The following UGT1A5 variants were observed in gnomAD, a reference collection of about 807,000 sequenced individuals.
UGT1A5 encodes the protein UDP-glucuronosyltransferase 1A5.
Under a neutral mutation model 40.3 loss-of-function variants are expected in UGT1A5, and 29 were observed. That is an observed-to-expected ratio of 0.72 (90% CI 0.54 to 0.98). The LOEUF is 0.98. UGT1A5 is among the 50% of genes least tolerant of loss of function. UGT1A5 has a pLI of 0.00. For synonymous variants in UGT1A5, 257 were observed against 262.5 expected (o/e 0.98, Z 0.20); for missense variants, 678 against 677.9 (o/e 1.00, Z 0.00).
In UGT1A5 at chr2:233,729,061, T is replaced by C. The variant is rs3806596; in HGVS notation, c.867+15203T>C. On this transcript the variant is annotated intron_variant, in intron 1 of 4. Transcript: ENST00000373414. ...TGGCTCAGTGACAAGGTAATTAAGA[T>C]GAAGAAAGCAAATGTAGCAGGCACA... The C allele has an allele frequency of 0.47, 753,810 of 1,610,256 alleles. 184,343 individuals are homozygous for C. Among genetic ancestry groups the C allele is most frequent in the African/African-American group, 0.83 (61,848 of 74,960 alleles).
At chr2:233,734,371 T>C (rs1011437447) in intron 1 of UGT1A5, among the ~76,000 whole-genome samples, 3 of 152,202 alleles carry the variant, frequency 2.0e-5, no homozygotes, top group Non-Finnish European at 4.4e-5. Flanking sequence ...GGTGGTGATA[T>C]TGCCTTTACT....
chr2:233,765,208 G>C (rs1325678271), intron 1 of UGT1A5, among the ~76,000 whole-genome samples: 1 of 152,132 alleles, frequency 6.6e-6, no homozygotes, highest in Non-Finnish European at 1.5e-5. Flanking sequence ...AGTGCCCTCA[G>C]TATTCTTTGC....
chr2:233,729,609 G>A (rs745477342), intron 1 of UGT1A5: 1 of 1,613,988 alleles, frequency 6.2e-7, no homozygotes, highest in South Asian at 1.1e-5. Context: ...CGGCAGTGCT[G>A]GCTAAGTACC....
Position 233,750,958 on chromosome 2 carries a change from G to T in UGT1A5, c.868-16076G>T, listed in dbSNP as rs922419338. 9.9e-5 allele frequency among the ~76,000 whole-genome samples: 15 copies of T among 151,802 alleles called. 1 individual carries two copies. The highest frequency in any genetic ancestry group is 3.6e-4 in the African/African-American group (15 of 41,098). On this transcript the variant is annotated intron_variant, in intron 1 of 4. Transcript: ENST00000373414. ...GAGCCCCCACACAGAGTCTCCACTG[G>T]GGCACTGCCTAGTGGAGTTGTGAGA...
At chr2:233,716,325 T>G (rs1422472353) in intron 1 of UGT1A5, among the ~76,000 whole-genome samples, 1 of 152,228 alleles carries the variant, frequency 6.6e-6, no homozygotes, top group East Asian at 1.9e-4. Flanking sequence ...ATGGAATATA[T>G]TCCCAGGTTT....
chr2:233,773,128 A>G lies in UGT1A5; in HGVS notation c.*569A>G. On this transcript the variant is annotated 3_prime_UTR_variant, in exon 5 of 5. Transcript: ENST00000373414. ...TGATTTCTTGCTTTGGGGAAAAAGA[A>G]TGATGCTATGAAATTGGTGGGTGGT... The G allele has an allele frequency of 6.4e-6, 1 of 155,198 alleles. No homozygotes were observed. Among genetic ancestry groups the G allele is most frequent in the Non-Finnish European group, 1.4e-5 (1 of 69,704 alleles). 9.6% of individuals were successfully genotyped at this position (155,198 alleles called of 1,614,324 possible). A position where few individuals can be genotyped will look rare whatever the true frequency, so the allele number is the denominator to read the frequency against.
intron 1 of UGT1A5, among the ~76,000 whole-genome samples, chr2:233,714,805 A>G (rs1160418646): frequency 6.6e-6 from 1 of 152,250 alleles, no homozygotes; most frequent in Non-Finnish European, 1.5e-5. Flanking sequence ...CTCAATATTC[A>G]TATGTAGTTA....
intron 1 of UGT1A5, chr2:233,756,408 G>C (rs1234137074): frequency 1.3e-5 from 2 of 151,750 alleles, no homozygotes; most frequent in Non-Finnish European, 2.9e-5. Flanking sequence ...TTTTTTATTT[G>C]TATTATTTGT....
At position 233,726,141 on chromosome 2, in the gene UGT1A5, G is replaced by A. The variant is rs1025600360; in HGVS notation, c.867+12283G>A. On this transcript the variant is annotated intron_variant, in intron 1 of 4. Transcript: ENST00000373414. The stretch of plus-strand genomic sequence containing the variant: ...TGTTCACACCACCTCACTCCAGCCC[G>A]AGTGACAGAGTGAGGCCCCATTTCA... Among the ~76,000 whole-genome samples the A allele has an allele frequency of 5.9e-5, 9 of 152,188 alleles. No individual in the cohort carries two copies. The East Asian group carries it at 7.7e-4, about 13-fold the overall frequency.
At chr2:233,733,854 T>G (rs1332608655) in intron 1 of UGT1A5, among the ~76,000 whole-genome samples, 12 of 152,088 alleles carry the variant, frequency 7.9e-5, no homozygotes, top group Admixed American at 7.9e-4. Flanking sequence ...CTTTTTCTAT[T>G]GATTGGAATA....
chr2:233,737,111 A>G (rs1182220663), intron 1 of UGT1A5, among the ~76,000 whole-genome samples: 1 of 152,120 alleles, frequency 6.6e-6, no homozygotes. Context: ...TGTTCCCCAC[A>G]TGTTCAGAAG....
chr2:233,738,818 A>T (rs779696858), intron 1 of UGT1A5: 1 of 152,242 alleles, frequency 6.6e-6, no homozygotes. Context: ...AGAAATTTGA[A>T]TAAATAAGGA....
intron 1 of UGT1A5, among the ~76,000 whole-genome samples, chr2:233,746,234 G>T (rs923887005): frequency 6.6e-6 from 1 of 151,756 alleles, no homozygotes; most frequent in African/African-American, 2.4e-5. Context: ...TATGCAAACT[G>T]CTAAAAGATA....
intron 1 of UGT1A5, among the ~76,000 whole-genome samples, chr2:233,723,671 C>T (rs2077112906): frequency 1.0e-5 from 1 of 95,612 alleles, no homozygotes; most frequent in Non-Finnish European, 1.9e-5. Flanking sequence ...GGCAGAGGAC[C>T]CTGCGGCCTT....
At chr2:233,733,659 C>T (rs1240175939) in intron 1 of UGT1A5, among the ~76,000 whole-genome samples, 3 of 152,202 alleles carry the variant, frequency 2.0e-5, no homozygotes, top group Non-Finnish European at 2.9e-5. Context: ...ATGAAGCCGA[C>T]TTGATCGATG....
chr2:233,723,259 G>T (rs1486772890), intron 1 of UGT1A5, among the ~76,000 whole-genome samples: 1 of 114,276 alleles, frequency 8.8e-6, no homozygotes, highest in African/African-American at 4.3e-5. Flanking sequence ...ACCCAGGCTG[G>T]AGTGCAATGG....
At chr2:233,759,710 G>A (rs746376626) in intron 1 of UGT1A5, among the ~76,000 whole-genome samples, 35 of 151,652 alleles carry the variant, frequency 2.3e-4, no homozygotes, top group East Asian at 9.7e-4. Flanking sequence ...GCGCGTGCTC[G>A]TGTGGTGGGC....
At chr2:233,715,005 T>G (rs2076427841) in intron 1 of UGT1A5, among the ~76,000 whole-genome samples, 1 of 152,190 alleles carries the variant, frequency 6.6e-6, no homozygotes, top group African/African-American at 2.4e-5. Context: ...GCCTCCCAAG[T>G]AGCTGGAACT....
intron 1 of UGT1A5, chr2:233,742,665 A>C (rs1692062657): frequency 6.6e-6 from 1 of 152,140 alleles, no homozygotes; most frequent in Non-Finnish European, 1.5e-5. Flanking sequence ...ATGTAACCCC[A>C]AGGTTTGTCC....
Sources: allele counts gnomAD v4.1 joint callset (sites outside exome capture counted in the v4.1 genomes callset), GRCh38; gene constraint gnomAD v4.1.1; transcripts MANE v1.5; gene names NCBI Gene and HGNC (gene_info 2026-07-23, HGNC 2026-07-21).